The following KCNIP1 variants were observed in gnomAD, a reference collection of about 807,000 sequenced individuals.
KCNIP1 encodes the protein A-type potassium channel modulatory protein KCNIP1.
A neutral mutation model predicts 33.0 loss-of-function variants in KCNIP1; 18 were observed. The ratio of observed to expected loss-of-function variants is 0.55; its 90% CI spans 0.38 to 0.81. KCNIP1 has a LOEUF of 0.81. Ranked by LOEUF, KCNIP1 falls within the 30% of genes least tolerant of loss-of-function variation. KCNIP1 has a pLI of 0.00. For missense variants in KCNIP1, 238 were observed against 271.6 expected (o/e 0.88, Z 0.87); for synonymous variants, 93 against 98.3 (o/e 0.95, Z 0.32).
chr5:170,421,717 A>C (rs950383355), intron 1 of KCNIP1, among the ~76,000 whole-genome samples: 1 of 152,188 alleles, frequency 6.6e-6, no homozygotes, highest in African/African-American at 2.4e-5. Context: ...AGATTTCAAT[A>C]TATGAATTTG....
intron 1 of KCNIP1, among the ~76,000 whole-genome samples, chr5:170,435,776 T>G (rs953303041): frequency 6.6e-6 from 1 of 152,190 alleles, no homozygotes; most frequent in African/African-American, 2.4e-5. Flanking sequence ...ACAATGCTAT[T>G]GTTTTTCAGG....
chr5:170,450,853 T>C (rs1257272059), intron 1 of KCNIP1, among the ~76,000 whole-genome samples: 1 of 152,022 alleles, frequency 6.6e-6, no homozygotes, highest in Non-Finnish European at 1.5e-5. Flanking sequence ...CGTGATTATC[T>C]CCCCTGCAAG....
At chr5:170,403,620 G>A (rs1475214706) in intron 1 of KCNIP1, among the ~76,000 whole-genome samples, 1 of 152,192 alleles carries the variant, frequency 6.6e-6, no homozygotes, top group Non-Finnish European at 1.5e-5. Context: ...TGGCTTTTGA[G>A]TGTATAGGTC....
At chr5:170,733,994 A>G in intron 7 of KCNIP1, 96 bp downstream of exon 7, 2 of 925,588 alleles carry the variant, frequency 2.2e-6, no homozygotes, top group Admixed American at 4.1e-5. Flanking sequence ...AAACCTGCAC[A>G]TACCTGCAAC....
chr5:170,494,953 T>C (rs1757280785), intron 1 of KCNIP1, among the ~76,000 whole-genome samples: 1 of 152,370 alleles, frequency 6.6e-6, no homozygotes, highest in South Asian at 2.1e-4. Flanking sequence ...AAAAGAGAAG[T>C]ACCTGCCACA....
intron 1 of KCNIP1, among the ~76,000 whole-genome samples, chr5:170,487,814 G>A (rs181802674): frequency 3.9e-4 from 59 of 152,022 alleles, no homozygotes; most frequent in Non-Finnish European, 4.6e-4. Context: ...CACTGCGCAC[G>A]GCCCAGTCAC....
intron 1 of KCNIP1, chr5:170,680,564 G>C (rs1015516813): frequency 6.6e-6 from 1 of 152,264 alleles, no homozygotes; most frequent in Admixed American, 6.5e-5. Context: ...TCAAAGCAGG[G>C]ACCACATATG....
intron 1 of KCNIP1, among the ~76,000 whole-genome samples, chr5:170,598,101 G>C (rs1758530149): frequency 6.6e-6 from 1 of 152,152 alleles, no homozygotes; most frequent in South Asian, 2.1e-4. Context: ...TGCAGTCGCT[G>C]TCTCTAGCCC....
intron 1 of KCNIP1, among the ~76,000 whole-genome samples, chr5:170,574,070 T>G (rs985246279): frequency 1.3e-5 from 2 of 152,238 alleles, no homozygotes; most frequent in African/African-American, 4.8e-5. Context: ...TTTTTTACTT[T>G]TATTGCCATA....
At chr5:170,540,614 G>A (rs1756163900) in intron 1 of KCNIP1, among the ~76,000 whole-genome samples, 2 of 152,204 alleles carry the variant, frequency 1.3e-5, no homozygotes, top group South Asian at 2.1e-4. Context: ...AGATTGGGCA[G>A]CCCATCCTCA....
chr5:170,438,492 A>G (rs1755916158), intron 1 of KCNIP1, among the ~76,000 whole-genome samples: 1 of 152,142 alleles, frequency 6.6e-6, no homozygotes, highest in African/African-American at 2.4e-5. Flanking sequence ...CTAAAATAAA[A>G]TTTAAAAATT....
chr5:170,620,923 CTGCTTCCAGGA>C (rs1284847794), intron 1 of KCNIP1, among the ~76,000 whole-genome samples: 1 of 152,156 alleles, frequency 6.6e-6, no homozygotes, highest in African/African-American at 2.4e-5. Context: ...CCTGTATGCT[CTGCTTCCAGGA>C]TCCTTCCATC....
intron 5 of KCNIP1, among the ~76,000 whole-genome samples, chr5:170,725,879 A>T (rs890877327): frequency 1.3e-5 from 2 of 152,224 alleles, no homozygotes; most frequent in African/African-American, 4.8e-5. Context: ...ACAGATGCCA[A>T]AAAGATCAAA....
chr5:170,587,441 A>G (rs1758042526), intron 1 of KCNIP1, among the ~76,000 whole-genome samples: 1 of 151,210 alleles, frequency 6.6e-6, no homozygotes, highest in Non-Finnish European at 1.5e-5. Flanking sequence ...AAAAAAAAAA[A>G]AAAAAGCTAA....
chr5:170,434,630 G>C (rs1162321880), intron 1 of KCNIP1, among the ~76,000 whole-genome samples: 1 of 152,106 alleles, frequency 6.6e-6, no homozygotes, highest in Non-Finnish European at 1.5e-5. Context: ...GGGTCGGTGG[G>C]TGGGGTGAGA....
intron 1 of KCNIP1, chr5:170,385,527 A>G: frequency 6.6e-7 from 1 of 1,524,178 alleles, no homozygotes; most frequent in Non-Finnish European, 9.1e-7. Context: ...GGTGATCCAC[A>G]GAAAGAGAGG....
At chr5:170,390,513 A>ATATATATATATATATATATATATATATAT (rs1554088932) in intron 1 of KCNIP1, among the ~76,000 whole-genome samples, 1 of 28,864 alleles carries the variant, frequency 3.5e-5, no homozygotes, top group African/African-American at 1.5e-4. Flanking sequence ...AAAAAAAAAA[A>ATATATATATATATATATATATATATATAT]ACAAATATAT....
chr5:170,633,623 G>T (rs1760147930), intron 1 of KCNIP1, among the ~76,000 whole-genome samples: 1 of 147,058 alleles, frequency 6.8e-6, no homozygotes, highest in Non-Finnish European at 1.5e-5. Context: ...GAGCTAAAAG[G>T]CCAGGGACAG....
chr5:170,667,528 C>G (rs1401493360), intron 1 of KCNIP1, among the ~76,000 whole-genome samples: 8 of 152,146 alleles, frequency 5.3e-5, no homozygotes, highest in Non-Finnish European at 1.2e-4. Flanking sequence ...AACTGTGTCT[C>G]CACCAGACCA....
Sources: allele counts gnomAD v4.1 joint callset (sites outside exome capture counted in the v4.1 genomes callset), GRCh38; gene constraint gnomAD v4.1.1; transcripts MANE v1.5; gene names NCBI Gene and HGNC (gene_info 2026-07-23, HGNC 2026-07-21).